The following PCDH15 variants were observed in gnomAD, a reference collection of about 807,000 sequenced individuals.
PCDH15 encodes protocadherin related 15, also known as protocadherin-15.
Under a neutral mutation model 178.5 loss-of-function variants are expected in PCDH15, and 129 were observed. The observed-to-expected ratio is 0.72, with a 90% confidence interval of 0.63 to 0.84. PCDH15 has a LOEUF of 0.84. Ranked by LOEUF, PCDH15 falls within the 40% of genes least tolerant of loss-of-function variation. PCDH15 has a pLI of 0.00. For synonymous variants in PCDH15, 800 were observed against 732.0 expected (o/e 1.09, Z -1.50); for missense variants, 2,230 against 2,099.9 (o/e 1.06, Z -1.21).
chr10:55,253,738 A>G (rs1293815958), intron 1 of PCDH15, among the ~76,000 whole-genome samples: 2 of 152,164 alleles, frequency 1.3e-5, no homozygotes, highest in Non-Finnish European at 2.9e-5. Context: ...CTGATTGATC[A>G]ATACAGTTTG....
chr10:55,558,471 T>C (rs1013656626), intron 2 of PCDH15, among the ~76,000 whole-genome samples: 3 of 152,230 alleles, frequency 2.0e-5, no homozygotes, highest in African/African-American at 7.2e-5. Context: ...CAATACTGCA[T>C]TAACTCAAAG....
chr10:54,375,898 A>ATATAAT (rs1554938299), intron 4 of PCDH15, among the ~76,000 whole-genome samples: 11,327 of 139,284 alleles, frequency 0.081, 589 homozygotes, highest in Middle Eastern at 0.17. Flanking sequence ...TATATATATA[A>ATATAAT]TTTTTTTTCT....
At chr10:54,085,895 G>T (rs193288137) in intron 16 of PCDH15, among the ~76,000 whole-genome samples, 152 of 152,168 alleles carry the variant, frequency 1.0e-3, no homozygotes, top group Middle Eastern at 6.8e-3. Context: ...GAGAGAATTT[G>T]CATTATAGCA....
intron 3 of PCDH15, among the ~76,000 whole-genome samples, chr10:54,435,795 C>T (rs1333413235): frequency 6.6e-6 from 1 of 151,766 alleles, no homozygotes; most frequent in Non-Finnish European, 1.5e-5. Context: ...ACGGTGAAAC[C>T]CCATTTCTAC....
chr10:54,092,394 C>T (rs1032480905), intron 15 of PCDH15, among the ~76,000 whole-genome samples: 1 of 152,026 alleles, frequency 6.6e-6, no homozygotes, highest in Non-Finnish European at 1.5e-5. Flanking sequence ...TTTTCCAGGC[C>T]AATTCTTTTA....
At chr10:55,555,368 C>A (rs1842070439) in intron 2 of PCDH15, among the ~76,000 whole-genome samples, 1 of 152,094 alleles carries the variant, frequency 6.6e-6, no homozygotes, top group South Asian at 2.1e-4. Context: ...AACTACATCA[C>A]CCAGTATTTT....
At chr10:54,414,164 A>G (rs1053137130) in intron 3 of PCDH15, among the ~76,000 whole-genome samples, 12 of 152,306 alleles carry the variant, frequency 7.9e-5, no homozygotes, top group African/African-American at 2.6e-4. Context: ...ATGTACTCAT[A>G]GGAGATATAA....
At chr10:54,202,234 TTGCTTTAC>T (rs1428277094) in intron 10 of PCDH15, among the ~76,000 whole-genome samples, 1 of 152,152 alleles carries the variant, frequency 6.6e-6, no homozygotes, top group Non-Finnish European at 1.5e-5. Context: ...TTTAATTTAC[TTGCTTTAC>T]TTACTGAACT....
Position 55,159,007 on chromosome 10 carries a change from A to G in PCDH15, c.-80+7569T>C, listed in dbSNP as rs576659779. ...TTTGGGCCTTGCAACAAACCTACGC[A>G]GTGTGAAGGGCAGTTATTATTATCC... On this transcript the variant is annotated intron_variant, in intron 2 of 5. Coordinates refer to the PCDH15 transcript ENST00000458638. Among the ~76,000 whole-genome samples, 4 of 152,132 alleles carry G rather than the reference A, an allele frequency of 2.6e-5. No individual in the cohort carries two copies. In the East Asian group the frequency reaches 5.8e-4, roughly 22 times the overall value.
At chr10:54,062,851 T>TA (rs563185751) in intron 18 of PCDH15, among the ~76,000 whole-genome samples, 330 of 152,320 alleles carry the variant, frequency 2.2e-3, no homozygotes, top group South Asian at 0.011. Context: ...TGTGTGTTTT[T>TA]AGTTATATAT....
intron 26 of PCDH15, among the ~76,000 whole-genome samples, chr10:53,893,327 G>A (rs937567484): frequency 4.6e-5 from 7 of 152,196 alleles, no homozygotes; most frequent in Non-Finnish European, 1.0e-4. Flanking sequence ...CCAGGGTGAT[G>A]TTATTCTGTG....
chr10:54,776,004 C>T (rs1949662152), intron 1 of PCDH15, among the ~76,000 whole-genome samples: 1 of 152,154 alleles, frequency 6.6e-6, no homozygotes, highest in Non-Finnish European at 1.5e-5. Context: ...CTTATTTTAG[C>T]TTCTGCATAT....
intron 1 of PCDH15, among the ~76,000 whole-genome samples, chr10:54,677,500 G>C (rs2094812875): frequency 6.6e-6 from 1 of 152,006 alleles, no homozygotes; most frequent in African/African-American, 2.4e-5. Flanking sequence ...TGCGTGTCAG[G>C]TTGCATATAT....
intron 3 of PCDH15, among the ~76,000 whole-genome samples, chr10:54,494,443 G>A (rs1485171440): frequency 6.6e-6 from 1 of 151,938 alleles, no homozygotes. Context: ...CTGATTAACT[G>A]GAACAAAATA....
chr10:54,046,813 CTTAAAGT>C (rs1438222216), intron 18 of PCDH15, among the ~76,000 whole-genome samples: 1 of 151,578 alleles, frequency 6.6e-6, no homozygotes, highest in African/African-American at 2.4e-5. Context: ...CATTTTTTTT[CTTAAAGT>C]TTAAAGGACA....
chr10:54,578,970 C>A (rs150213902), intron 2 of PCDH15, among the ~76,000 whole-genome samples: 1 of 152,192 alleles, frequency 6.6e-6, no homozygotes, highest in African/African-American at 2.4e-5. Flanking sequence ...AATCACTAGA[C>A]CAGCTTTACA....
At chr10:54,954,914 T>C (rs576709450) in intron 2 of PCDH15, among the ~76,000 whole-genome samples, 1 of 151,424 alleles carries the variant, frequency 6.6e-6, no homozygotes, top group Admixed American at 6.6e-5. Flanking sequence ...AAGGAATATA[T>C]GTGCCTTGTG....
intron 2 of PCDH15, among the ~76,000 whole-genome samples, chr10:55,058,102 C>T (rs1434990233): frequency 9.2e-5 from 14 of 152,234 alleles, no homozygotes; most frequent in Non-Finnish European, 7.4e-5. Flanking sequence ...TAAAAAGATG[C>T]TAGATACAAA....
At chr10:55,259,848 G>A (rs1316784667) in intron 1 of PCDH15, among the ~76,000 whole-genome samples, 3 of 132,996 alleles carry the variant, frequency 2.3e-5, no homozygotes, top group Admixed American at 8.8e-5. Context: ...GTTGAGGTGA[G>A]CCGAGATTGC....
Sources: allele counts gnomAD v4.1 joint callset (sites outside exome capture counted in the v4.1 genomes callset), GRCh38; gene constraint gnomAD v4.1.1; transcripts MANE v1.5; gene names NCBI Gene and HGNC (gene_info 2026-07-23, HGNC 2026-07-21).